FAM114A2: variants seen among roughly 807,000 people sequenced by gnomAD.
FAM114A2 encodes the protein family with sequence similarity 114 member A2.
A neutral mutation model predicts 58.4 loss-of-function variants in FAM114A2; 53 were observed. The observed-to-expected ratio is 0.91, with a 90% CI of 0.73 to 1.14. FAM114A2 has a LOEUF of 1.14. FAM114A2 is among the 50% of genes most tolerant of loss of function. FAM114A2 has a pLI of 0.00. For synonymous variants in FAM114A2, 228 were observed against 211.4 expected, an observed-to-expected ratio of 1.08 and a Z score of -0.68; for missense variants, 601 against 581.1, an observed-to-expected ratio of 1.03 and a Z score of -0.35.
At chr5:154,004,616 C>T (rs1200527471) in intron 9 of FAM114A2, among the ~76,000 whole-genome samples, 1 of 152,168 alleles carries the variant, frequency 6.6e-6, no homozygotes, top group Admixed American at 6.5e-5. Flanking sequence ...AGAGGTGCCA[C>T]CAGGTACCAG....
chr5:154,038,467 G>C (rs1164338341), intron 1 of FAM114A2: 1 of 152,190 alleles, frequency 6.6e-6, no homozygotes, highest in Non-Finnish European at 1.5e-5. Flanking sequence ...TATGTGAGGG[G>C]CTTGGAACAG....
chr5:154,035,795 C>T (rs1021771020), intron 1 of FAM114A2, among the ~76,000 whole-genome samples: 1 of 152,216 alleles, frequency 6.6e-6, no homozygotes, highest in Non-Finnish European at 1.5e-5. Context: ...CACCATTTTA[C>T]ATTTCCACCA....
In FAM114A2 at chr5:154,036,227, A is replaced by T. The variant is rs563510460; in HGVS notation, c.-14-1260T>A. ...ATTGTCCTTAAAAATCTTACTAGTT[A>T]TTAATCATTCCTACCTCAATTTTTC... On this transcript the variant is annotated intron_variant, in intron 1 of 13. Transcript: ENST00000351797. The T allele has an allele frequency of 3.9e-5, 6 of 152,318 alleles. No individual in the cohort carries two copies. In the East Asian group the frequency reaches 1.2e-3, roughly 29 times the overall value. The allele number at this position is 152,318 out of a possible 1,614,324, so 9.4% of individuals were successfully genotyped here. A position where few individuals can be genotyped will look rare whatever the true frequency, so the allele number is the denominator to read the frequency against.
At chr5:154,031,220 G>C (rs1185884157) in intron 4 of FAM114A2, among the ~76,000 whole-genome samples, 1 of 138,692 alleles carries the variant, frequency 7.2e-6, no homozygotes, top group Non-Finnish European at 1.5e-5. Flanking sequence ...GCTGAGGCAG[G>C]AGAAGAACTT....
chr5:154,003,805 C>G (rs986598492), intron 9 of FAM114A2, among the ~76,000 whole-genome samples: 3 of 152,170 alleles, frequency 2.0e-5, no homozygotes, highest in Non-Finnish European at 1.5e-5. Context: ...TAGATTTATC[C>G]ATGTTGCTGC....
chr5:153,994,937 G>C lies in FAM114A2; in HGVS notation c.1365C>G (p.Ile455Met). 1 of 1,606,802 alleles carries C rather than the reference G, an allele frequency of 6.2e-7. No individual in the cohort carries two copies. Residue 455 changes from isoleucine (I) to methionine (M), a missense_variant, in exon 13 of 14, where the codon ATC becomes ATG. By Grantham distance (10) the Ile-to-Met change is conservative. Coordinates refer to ENST00000351797, the MANE Select transcript of FAM114A2 (RefSeq NM_018691.4). ...TACTAACCTCTAGAAATACTGCAGT[G>C]ATTAATGGGTTAAGGACATCTGCCA... ...KEMADVLNPL[I>M]TAVFLEASNS...
intron 12 of FAM114A2, among the ~76,000 whole-genome samples, chr5:153,997,577 G>C (rs951199480): frequency 6.6e-6 from 1 of 152,176 alleles, no homozygotes; most frequent in African/African-American, 2.4e-5. Context: ...ATGGTGCGTA[G>C]GGCTGGGGAA....
intron 1 of FAM114A2, among the ~76,000 whole-genome samples, chr5:154,035,504 T>C (rs1319741234): frequency 6.6e-6 from 1 of 152,204 alleles, no homozygotes. Flanking sequence ...TCAAGATCCA[T>C]TTAAGTTGTA....
chr5:154,035,654 T>C (rs1344697857), intron 1 of FAM114A2, among the ~76,000 whole-genome samples: 3 of 152,210 alleles, frequency 2.0e-5, no homozygotes, highest in Admixed American at 6.5e-5. Context: ...AAAGTTCATG[T>C]ATAGGTTTTT....
At chr5:154,001,221 T>C (rs1006041873) in intron 11 of FAM114A2, among the ~76,000 whole-genome samples, 2 of 152,210 alleles carry the variant, frequency 1.3e-5, no homozygotes, top group Non-Finnish European at 2.9e-5. Context: ...TATATTCATA[T>C]ACATGTAAGT....
chr5:154,027,758 C>T (rs567158372), intron 6 of FAM114A2, among the ~76,000 whole-genome samples: 1 of 152,276 alleles, frequency 6.6e-6, no homozygotes, highest in South Asian at 2.1e-4. Flanking sequence ...ACCTCGGCCT[C>T]CCAAAGTGCT....
rs1372246183 is a variant in FAM114A2, at chr5:153,991,799, A to G, written c.*1177T>C. The G allele has an allele frequency of 6.6e-6, 1 of 151,442 alleles. No homozygotes were observed. Among genetic ancestry groups the G allele is most frequent in the African/African-American group, 2.4e-5 (1 of 41,180 alleles). The allele number at this position is 151,442 out of a possible 1,614,324, so 9.4% of individuals were successfully genotyped here. A position where few individuals can be genotyped will look rare whatever the true frequency, so the allele number is the denominator to read the frequency against. ...TAATACATTTTATTACAAAGGTTTT[A>G]GAAGATGAGGGGCAGAGCTAACAAA... On this transcript the variant is annotated 3_prime_UTR_variant, in exon 14 of 14. Transcript: ENST00000351797.
intron 4 of FAM114A2, among the ~76,000 whole-genome samples, chr5:154,030,505 C>A (rs929722226): frequency 3.9e-5 from 6 of 152,166 alleles, no homozygotes; most frequent in Admixed American, 6.5e-5. Context: ...TCGGTTCACA[C>A]AAGAAGAACA....
At position 154,034,794 on chromosome 5, in the gene FAM114A2, C is replaced by A. The variant is rs755803918; in HGVS notation, c.160G>T (p.Glu54Ter). ...TCAAGGTCACTGGAAGGTTTGGTCT[C>A]TGGTCTTTTCCGAGTGGAAACTACA... ...EPVVSTRKRP[E>*]TKPSSDLETS... The change falls in exon 2 of 14, where the codon GAG (glutamate) becomes TAG (stop). Residue 54 changes from glutamate to a stop codon, truncating the protein, a stop_gained. Coordinates refer to ENST00000351797, the MANE Select transcript of FAM114A2 (RefSeq NM_018691.4). LOFTEE classifies it high-confidence loss of function. The A allele has an allele frequency of 1.2e-6, 2 of 1,613,916 alleles. No individual in the cohort carries two copies. The highest frequency in any genetic ancestry group is 2.7e-5 in the African/African-American group (2 of 74,914).
chr5:154,028,159 G>A lies in FAM114A2; in HGVS notation c.620C>T (p.Thr207Ile), dbSNP rs180926126. 1.2e-6 allele frequency: 2 copies of A among 1,611,182 alleles called. No homozygotes were observed. The highest frequency in any genetic ancestry group is 2.7e-5 in the African/African-American group (2 of 74,928). Residue 207 changes from threonine (T) to isoleucine (I), a missense_variant, in exon 6 of 14, where the codon ACA (threonine) becomes ATA (isoleucine). Coordinates refer to ENST00000351797, the MANE Select transcript of FAM114A2 (RefSeq NM_018691.4). ...RTKGLMNRNA[T>I]LSQVLREAKE... is the part of the protein sequence containing the mutation. ...AAGGATAATCAGTACCTGAGATAGT[G>A]TAGCATTTCGGTTCATCAGACCCTT...
intron 8 of FAM114A2, among the ~76,000 whole-genome samples, chr5:154,020,873 T>C (rs553312156): frequency 4.7e-4 from 72 of 152,184 alleles, no homozygotes; most frequent in African/African-American, 1.6e-3. Context: ...ATATCCCTGA[T>C]GAACATCAAT....
intron 8 of FAM114A2, among the ~76,000 whole-genome samples, chr5:154,020,837 C>T (rs956618966): frequency 3.3e-5 from 5 of 151,934 alleles, no homozygotes; most frequent in Admixed American, 6.6e-5. Context: ...GGCAGAGACA[C>T]GACAAAAAAA....
chr5:154,028,853 G>T (rs563549402), intron 5 of FAM114A2, among the ~76,000 whole-genome samples: 2 of 152,170 alleles, frequency 1.3e-5, no homozygotes, highest in African/African-American at 4.8e-5. Context: ...GTGCAGGAGA[G>T]GGGGAGAGCA....
intron 9 of FAM114A2, among the ~76,000 whole-genome samples, chr5:154,007,512 T>A (rs1770433389): frequency 6.6e-6 from 1 of 152,206 alleles, no homozygotes; most frequent in Non-Finnish European, 1.5e-5. Context: ...GCCTTGATCC[T>A]TAACCAATCT....
Sources: allele counts gnomAD v4.1 joint callset (sites outside exome capture counted in the v4.1 genomes callset), GRCh38; gene constraint gnomAD v4.1.1; transcripts MANE v1.5; gene names NCBI Gene and HGNC (gene_info 2026-07-23, HGNC 2026-07-21).